Variants in AP2A2 observed in about 807,000 individuals in gnomAD.
AP2A2 encodes the protein adaptor related protein complex 2 subunit alpha 2.
In AP2A2, 32 loss-of-function variants were observed where a neutral mutation model predicts 104.2. The ratio of observed to expected loss-of-function variants is 0.31; its 90% CI spans 0.23 to 0.41. The LOEUF is 0.41. Ranked by LOEUF, AP2A2 falls within the 10% of genes least tolerant of loss-of-function variation. The pLI is 1.00. For synonymous variants in AP2A2, 539 were observed against 533.3 expected, an observed-to-expected ratio of 1.01 and a Z score of -0.15; for missense variants, 912 against 1,261.0, an observed-to-expected ratio of 0.72 and a Z score of 4.19.
At chr11:988,476 G>C in intron 9 of AP2A2, 76 bp from the exon 10 acceptor site, 1 of 1,548,888 alleles carries the variant, frequency 6.5e-7, no homozygotes, top group Non-Finnish European at 8.8e-7. Flanking sequence ...AGATGCGGGT[G>C]CCGAGCCTGT....
intron 1 of AP2A2, among the ~76,000 whole-genome samples, chr11:931,873 G>A (rs979038288): frequency 3.4e-5 from 5 of 147,164 alleles, no homozygotes; most frequent in African/African-American, 7.6e-5. Context: ...GTGTGATCTC[G>A]GCTCACTGCA....
In AP2A2 at chr11:1,010,891, G is replaced by T; in HGVS notation, c.*266G>T. On this transcript the variant is annotated 3_prime_UTR_variant, in exon 22 of 22. Transcript: ENST00000448903. ...TTATAAAAATCGAGACAGTTCTGTGGTTAAATCTACAAATTAAAGGGAAAT... is the reference window on the plus strand; with the variant it reads ...TTATAAAAATCGAGACAGTTCTGTGTTTAAATCTACAAATTAAAGGGAAAT... 1 of 652,372 alleles carries T rather than the reference G, an allele frequency of 1.5e-6. No homozygotes were observed. Among genetic ancestry groups the T allele is most frequent in the South Asian group, 1.8e-5 (1 of 56,072 alleles). The allele number at this position is 652,372 out of a possible 1,614,324, so 40.4% of individuals were successfully genotyped here. A position where few individuals can be genotyped will look rare whatever the true frequency, so the allele number is the denominator to read the frequency against.
chr11:960,371 T>G (rs1589967968), intron 2 of AP2A2, among the ~76,000 whole-genome samples: 2 of 149,624 alleles, frequency 1.3e-5, no homozygotes, highest in South Asian at 4.3e-4. Context: ...GCCTCCCGAG[T>G]AGCTGGGATT....
In AP2A2 at chr11:993,503, C is replaced by T. The variant is rs752233374; in HGVS notation, c.1550+122C>T. On this transcript the variant is annotated intron_variant, in intron 12 of 21. Coordinates refer to ENST00000448903, the MANE Select transcript of AP2A2 (RefSeq NM_012305.4). This position sits in a 1 kb window ranked among gnomAD's most constrained non-coding sequence, Gnocchi z 8.2. The stretch of plus-strand genomic sequence containing the variant: ...GCCTCGCAGAGCCGCTTCTGCTCCC[C>T]ATCGGCGTCTTTTTGTTTTCCTTCA... The T allele has an allele frequency of 3.7e-4, 276 of 741,116 alleles. No individual in the cohort carries two copies. The highest frequency in any genetic ancestry group is 5.5e-4 in the Non-Finnish European group (259 of 472,996). 45.9% of individuals were successfully genotyped at this position (741,116 alleles called of 1,614,324 possible). A position where few individuals can be genotyped will look rare whatever the true frequency, so the allele number is the denominator to read the frequency against.
At chr11:995,614 C>T (rs971568935) in intron 14 of AP2A2, among the ~76,000 whole-genome samples, 4 of 151,344 alleles carry the variant, frequency 2.6e-5, no homozygotes, top group African/African-American at 9.7e-5. Context: ...CACTCCTTGG[C>T]GGGGACCTGC....
intron 7 of AP2A2, chr11:985,234 C>T (rs1855410717): frequency 1.5e-5 from 10 of 657,420 alleles, no homozygotes; most frequent in South Asian, 1.1e-4. Flanking sequence ...TGGCCTGCCT[C>T]GGCCTCCCAA....
At chr11:973,512 C>A (rs1391079612) in intron 4 of AP2A2, among the ~76,000 whole-genome samples, 1 of 152,170 alleles carries the variant, frequency 6.6e-6, no homozygotes, top group Non-Finnish European at 1.5e-5. Context: ...ATGGGTGACC[C>A]CACAGTAGGA....
intron 15 of AP2A2, 58 bp downstream of exon 15, chr11:1,000,656 C>G (rs1856003280): frequency 6.7e-7 from 1 of 1,491,472 alleles, no homozygotes; most frequent in Non-Finnish European, 8.9e-7. Context: ...CCCCTGACTT[C>G]TGGTGTGGCC....
At chr11:937,859 A>G (rs1238828939) in intron 1 of AP2A2, among the ~76,000 whole-genome samples, 1 of 152,170 alleles carries the variant, frequency 6.6e-6, no homozygotes, top group Non-Finnish European at 1.5e-5. Flanking sequence ...CAGATAAGGA[A>G]ACTGTGGCGT....
intron 1 of AP2A2, among the ~76,000 whole-genome samples, chr11:926,912 C>T (rs554363065): frequency 2.9e-4 from 44 of 152,254 alleles, no homozygotes; most frequent in Non-Finnish European, 5.4e-4. Flanking sequence ...GTGGGTGCAC[C>T]GGTCCACCAA....
In AP2A2 at chr11:993,397, C is replaced by A; in HGVS notation, c.1550+16C>A. ...CGAGATCCAGGTGAGAGGCCCTTTGCGAGTCGGGGCTGTGTGCGCTCCGGC... is the reference window on the plus strand; with the variant it reads ...CGAGATCCAGGTGAGAGGCCCTTTGAGAGTCGGGGCTGTGTGCGCTCCGGC... On this transcript the variant is annotated intron_variant, in intron 12 of 21. Coordinates refer to ENST00000448903, the MANE Select transcript of AP2A2 (RefSeq NM_012305.4). This position sits in a 1 kb window ranked among gnomAD's most constrained non-coding sequence, Gnocchi z 8.2. 6.3e-7 allele frequency: 1 copy of A among 1,589,222 alleles called. No homozygotes were observed. The highest frequency in any genetic ancestry group is 1.8e-5 in the Admixed American group (1 of 55,668).
At chr11:1,002,143 G>A (rs543162117) in intron 15 of AP2A2, among the ~76,000 whole-genome samples, 145 of 152,346 alleles carry the variant, frequency 9.5e-4, no homozygotes, top group African/African-American at 3.3e-3. Flanking sequence ...TCTCTGTCAC[G>A]TCATGGGTGG....
chr11:970,047 G>C lies in AP2A2; in HGVS notation c.137-122G>C, dbSNP rs573672150. ...GTCTGCACTGCACCTGCCTGGGCCC[G>C]GCCACCCCTCTCCTGGAGGCTTGTC... On this transcript the variant is annotated intron_variant, in intron 2 of 21. Transcript: ENST00000448903. 3.8e-6 allele frequency: 4 copies of C among 1,065,080 alleles called. No homozygotes were observed. The Admixed American group carries it at 8.7e-5, about 23-fold the overall frequency. The allele number at this position is 1,065,080 out of a possible 1,614,324, so 66.0% of individuals were successfully genotyped here.
intron 1 of AP2A2, among the ~76,000 whole-genome samples, chr11:938,758 G>C (rs906828550): frequency 5.9e-5 from 9 of 152,092 alleles, no homozygotes; most frequent in Non-Finnish European, 1.3e-4. Context: ...ACAGGCATGA[G>C]CCGCTGTGCC....
At chr11:928,993 G>A (rs1437192267) in intron 1 of AP2A2, among the ~76,000 whole-genome samples, 1 of 152,256 alleles carries the variant, frequency 6.6e-6, no homozygotes, top group East Asian at 1.9e-4. Context: ...TCCTCATGGC[G>A]AGCGTCTGGC....
chr11:977,300 G>C (rs1855078403), intron 5 of AP2A2, 76 bp downstream of exon 5: 2 of 1,504,848 alleles, frequency 1.3e-6, no homozygotes, highest in African/African-American at 1.4e-5. Flanking sequence ...ACACCATGGT[G>C]CGCCTTCTCG....
chr11:962,484 G>A (rs1047662622), intron 2 of AP2A2, among the ~76,000 whole-genome samples: 3 of 152,228 alleles, frequency 2.0e-5, no homozygotes, highest in Admixed American at 6.5e-5. Flanking sequence ...CTGTAACCCA[G>A]CACTGTGGGA....
intron 21 of AP2A2, chr11:1,010,346 G>A (rs963660428): frequency 1.2e-5 from 7 of 593,930 alleles, no homozygotes; most frequent in African/African-American, 3.7e-5. Context: ...CGCCAGCTAC[G>A]TACGAGACGC....
chr11:1,008,290 C>T (rs1856279033), intron 18 of AP2A2, 155 bp downstream of exon 18: 17 of 1,171,174 alleles, frequency 1.5e-5, no homozygotes, highest in Admixed American at 3.2e-5. Flanking sequence ...TTGCTGCCCC[C>T]GGCTCTGCAG....
Sources: allele counts gnomAD v4.1 joint callset (sites outside exome capture counted in the v4.1 genomes callset), GRCh38; gene constraint gnomAD v4.1.1; non-coding constraint Gnocchi (gnomAD v3.1); transcripts MANE v1.5; gene names NCBI Gene and HGNC (gene_info 2026-07-23, HGNC 2026-07-21).